The following TFAM variants were observed in gnomAD, a reference collection of about 807,000 sequenced individuals.
TFAM encodes mitochondrial transcription factor 1.
Under a neutral mutation model 30.6 loss-of-function variants are expected in TFAM, and 13 were observed. The observed-to-expected ratio is 0.42, with a 90% CI of 0.28 to 0.67. The LOEUF (loss-of-function observed/expected upper bound fraction) is 0.67. Ranked by LOEUF, TFAM falls within the 30% of genes least tolerant of loss-of-function variation. TFAM has a pLI of 0.21. For synonymous variants in TFAM, 106 were observed against 94.8 expected (o/e 1.12, Z -0.69); for missense variants, 231 against 293.7 (o/e 0.79, Z 1.56).
chr10:58,395,359 AG>A lies in TFAM; in HGVS notation c.*286del, dbSNP rs1183013321. 13 of 400,050 alleles carry A rather than the reference AG, an allele frequency of 3.2e-5. No individual in the cohort carries two copies. Among genetic ancestry groups the A allele is most frequent in the Admixed American group, 4.1e-5 (1 of 24,152 alleles). 24.8% of individuals were successfully genotyped at this position (400,050 alleles called of 1,614,324 possible). A position where few individuals can be genotyped will look rare whatever the true frequency, so the allele number is the denominator to read the frequency against. On this transcript the variant is annotated 3_prime_UTR_variant, in exon 7 of 7. Coordinates refer to ENST00000487519, the MANE Select transcript of TFAM (RefSeq NM_003201.3). The stretch of plus-strand genomic sequence containing the variant: ...TTGACAAAGGTAAATCAGACTATGA[AG>A]TTTTTTTTATACAGGATGATGACTA...
intron 3 of TFAM, 143 bp downstream of exon 3, chr10:58,388,403 A>G (rs1840530965): frequency 1.2e-6 from 1 of 800,536 alleles, no homozygotes; most frequent in Non-Finnish European, 2.1e-6. Context: ...TCTCATCTGC[A>G]TAAATAATGA....
intron 2 of TFAM, 72 bp from the exon 3 acceptor site, chr10:58,388,118 C>T: frequency 1.6e-6 from 2 of 1,224,440 alleles, no homozygotes; most frequent in Admixed American, 3.4e-5. Flanking sequence ...TTGTGCTTTC[C>T]TGGATATCTT....
intron 5 of TFAM, 151 bp downstream of exon 5, chr10:58,391,011 T>TA (rs1045538680): frequency 2.2e-5 from 16 of 715,296 alleles, no homozygotes; most frequent in Non-Finnish European, 3.2e-5. Context: ...TCTTTTTTCT[T>TA]ACCATATACA....
At position 58,385,596 on chromosome 10, in the gene TFAM, T is replaced by A; in HGVS notation, c.49T>A (p.Ser17Thr). The A allele has an allele frequency of 1.3e-6, 2 of 1,570,232 alleles. No homozygotes were observed. The highest frequency in any genetic ancestry group is 1.7e-6 in the Non-Finnish European group (2 of 1,157,156). ...MWGVLSALGR[S>T]GAELCTGCGS... is the part of the protein sequence containing the mutation. Reference sequence around the variant, plus strand: ...GGGCGTGCTGAGTGCCCTGGGAAGGTCTGGAGCAGAGCTGTGCACCGGCTG... The same window carrying A: ...GGGCGTGCTGAGTGCCCTGGGAAGGACTGGAGCAGAGCTGTGCACCGGCTG... Residue 17 changes from serine (S) to threonine (T), a missense_variant, in exon 1 of 7, where the codon TCT (serine) becomes ACT (threonine). Ser to Thr is a moderately conservative substitution (Grantham distance 58). Transcript: ENST00000487519.
rs78912196 is a variant in TFAM at position 58,388,810 on chromosome 10, A to G, written c.432A>G (p.Thr144=). The G allele has an allele frequency of 5.7e-6, 7 of 1,232,938 alleles. No individual in the cohort carries two copies. In the East Asian group the frequency reaches 1.2e-4, roughly 21 times the overall value. 76.4% of individuals were successfully genotyped at this position (1,232,938 alleles called of 1,614,324 possible). Residue 144 remains threonine, a synonymous_variant, in exon 4 of 7, where the codon ACA becomes ACG. Transcript: ENST00000487519. ...MDKHLKRKAM[T]KKKELTLLGK... is the part of the protein sequence containing the mutation. The stretch of plus-strand genomic sequence containing the variant: ...AACATTTAAAAAGGAAAGCTATGAC[A>G]AAAAAAAAAGTGAGTATCATTGAAA...
intron 5 of TFAM, among the ~76,000 whole-genome samples, chr10:58,393,623 C>T (rs547987788): frequency 6.6e-6 from 1 of 152,216 alleles, no homozygotes; most frequent in South Asian, 2.1e-4. Context: ...CACAGTGGCT[C>T]ATGCCTGTAA....
intron 3 of TFAM, among the ~76,000 whole-genome samples, 179 bp from the exon 4 acceptor site, chr10:58,388,491 G>C (rs1840532838): frequency 6.6e-6 from 1 of 152,192 alleles, no homozygotes; most frequent in African/African-American, 2.4e-5. Flanking sequence ...CTCTCACCTT[G>C]ATTAGTATAT....
chr10:58,390,566 T>C (rs1204768465), intron 4 of TFAM, among the ~76,000 whole-genome samples, 199 bp from the exon 5 acceptor site: 1 of 152,202 alleles, frequency 6.6e-6, no homozygotes, highest in Non-Finnish European at 1.5e-5. Context: ...AAATAACTGG[T>C]GAAATCTAAC....
In TFAM at chr10:58,390,750, A is replaced by AT; in HGVS notation, c.442-8dup. ...GGTTAACACTATTTTTGACCCTCCA[A>AT]TTTTTTTAATTCAGGAGTTAACACT... On this transcript the variant is annotated splice_polypyrimidine_tract_variant and intron_variant, in intron 4 of 6. Transcript: ENST00000487519. The AT allele has an allele frequency of 6.2e-7, 1 of 1,607,678 alleles. No individual in the cohort carries two copies. The highest frequency in any genetic ancestry group is 8.5e-7 in the Non-Finnish European group (1 of 1,176,408).
intron 5 of TFAM, among the ~76,000 whole-genome samples, chr10:58,394,022 A>G (rs1302799939): frequency 6.6e-6 from 1 of 152,194 alleles, no homozygotes; most frequent in Non-Finnish European, 1.5e-5. Flanking sequence ...CTTGTGCTGT[A>G]TTGTTCTTAT....
chr10:58,389,561 A>G (rs1840553329), intron 4 of TFAM, among the ~76,000 whole-genome samples: 1 of 152,172 alleles, frequency 6.6e-6, no homozygotes, highest in African/African-American at 2.4e-5. Flanking sequence ...CCCTGACCCT[A>G]ATGTTTTAAG....
intron 6 of TFAM, among the ~76,000 whole-genome samples, 195 bp from the exon 7 acceptor site, chr10:58,394,733 C>A (rs1840652481): frequency 6.6e-6 from 1 of 152,136 alleles, no homozygotes; most frequent in Admixed American, 6.5e-5. Context: ...AGATAACAGT[C>A]TATCTCTTAC....
At chr10:58,386,510 T>G (rs1290669941) in intron 2 of TFAM, 172 bp downstream of exon 2, 11 of 736,268 alleles carry the variant, frequency 1.5e-5, no homozygotes, top group Non-Finnish European at 2.2e-5. Flanking sequence ...GCTTTAAATA[T>G]AAATGAGAAC....
At position 58,391,174 on chromosome 10, in the gene TFAM, A is replaced by G. The variant is rs79586203; in HGVS notation, c.537+314A>G. ...AGTTCTTAACTGTTTTACGATCACTAGAAAGAATGAGAGTAGAGCTGCAAT... is the reference window on the plus strand; with the variant it reads ...AGTTCTTAACTGTTTTACGATCACTGGAAAGAATGAGAGTAGAGCTGCAAT... On this transcript the variant is annotated intron_variant, in intron 5 of 6. Coordinates refer to ENST00000487519, the MANE Select transcript of TFAM (RefSeq NM_003201.3). Among the ~76,000 whole-genome samples the G allele has an allele frequency of 4.7e-3, 712 of 152,230 alleles. 4 individuals carry two copies. The highest frequency in any genetic ancestry group is 6.4e-3 in the Non-Finnish European group (433 of 67,964).
At chr10:58,385,888 C>A (rs914630989) in intron 1 of TFAM, among the ~76,000 whole-genome samples, 4 of 152,204 alleles carry the variant, frequency 2.6e-5, no homozygotes, top group African/African-American at 9.7e-5. Context: ...TCCTCACTGT[C>A]CAGCTTTGGA....
Position 58,390,848 on chromosome 10 carries a change from T to C in TFAM, c.525T>C (p.Gly175=), listed in dbSNP as rs753633779. ...YVAERFQEAK[G]DSPQEKLKTV... Reference sequence around the variant, plus strand: ...CTGAAAGATTCCAAGAAGCTAAGGGTGATTCACCGCAGGTAAAGCTGAAAT... The same window carrying C: ...CTGAAAGATTCCAAGAAGCTAAGGGCGATTCACCGCAGGTAAAGCTGAAAT... The change falls in exon 5 of 7, where the codon GGT becomes GGC. Residue 175 remains glycine (G), a synonymous_variant. Transcript: ENST00000487519. 6.2e-7 allele frequency: 1 copy of C among 1,612,952 alleles called. No homozygotes were observed. The highest frequency in any genetic ancestry group is 8.5e-7 in the Non-Finnish European group (1 of 1,179,600).
intron 4 of TFAM, among the ~76,000 whole-genome samples, chr10:58,389,521 G>A (rs1464535745): frequency 1.3e-5 from 2 of 152,170 alleles, no homozygotes; most frequent in African/African-American, 4.8e-5. Flanking sequence ...CTAGATTACA[G>A]CCTTGAATGT....
chr10:58,396,006 C>T lies in TFAM; in HGVS notation c.*932C>T, dbSNP rs1420323273. 4 of 175,304 alleles carry T rather than the reference C, an allele frequency of 2.3e-5. No individual in the cohort carries two copies. The highest frequency in any genetic ancestry group is 4.8e-5 in the Non-Finnish European group (4 of 83,988). The allele number at this position is 175,304 out of a possible 1,614,324, so 10.9% of individuals were successfully genotyped here. A position where few individuals can be genotyped will look rare whatever the true frequency, so the allele number is the denominator to read the frequency against. On this transcript the variant is annotated 3_prime_UTR_variant, in exon 7 of 7. Transcript: ENST00000487519. Reference sequence around the variant, plus strand: ...TGGCCTGTGGATCAAATCCAGCCTGCTGCCTGCTTTTTATGGCCTGTGAGC... The same window carrying T: ...TGGCCTGTGGATCAAATCCAGCCTGTTGCCTGCTTTTTATGGCCTGTGAGC...
intron 5 of TFAM, among the ~76,000 whole-genome samples, chr10:58,391,355 TTCC>T (rs897894282): frequency 6.6e-6 from 1 of 152,146 alleles, no homozygotes; most frequent in Non-Finnish European, 1.5e-5. Flanking sequence ...GGCTTAGTCT[TTCC>T]TATTTTTTTG....
Sources: gnomAD v4.1 joint callset for allele counts (sites outside exome capture counted in the v4.1 genomes callset) on GRCh38, gnomAD v4.1.1 for gene constraint, MANE v1.5 for transcripts, NCBI Gene and HGNC (gene_info 2026-07-23, HGNC 2026-07-21) for gene names.